TTLL5: variants seen among roughly 807,000 people sequenced by gnomAD.
TTLL5 encodes the protein tubulin polyglutamylase TTLL5.
A neutral mutation model predicts 168.4 loss-of-function variants in TTLL5; 132 were observed. The observed-to-expected ratio is 0.78, with a 90% CI of 0.68 to 0.91. The LOEUF (loss-of-function observed/expected upper bound fraction) is 0.91, where lower values mean the gene tolerates loss of function less well. TTLL5 is among the 40% of genes least tolerant of loss of function. TTLL5 has a pLI of 0.00. For synonymous variants in TTLL5, 546 were observed against 558.6 expected (o/e 0.98, Z 0.32); for missense variants, 1,545 against 1,581.5 (o/e 0.98, Z 0.39).
At chr14:75,721,626 G>A (rs1205929080) in intron 12 of TTLL5, among the ~76,000 whole-genome samples, 1 of 152,134 alleles carries the variant, frequency 6.6e-6, no homozygotes, top group African/African-American at 2.4e-5. Flanking sequence ...TTTTCAGCAA[G>A]TTACTCTAAT....
intron 30 of TTLL5, among the ~76,000 whole-genome samples, chr14:75,894,533 C>T (rs1011808909): frequency 1.4e-4 from 21 of 152,038 alleles, no homozygotes; most frequent in African/African-American, 4.6e-4. Context: ...TCAGCCTGGG[C>T]GACAGAGCAA....
chr14:75,916,659 A>G (rs568461383), intron 31 of TTLL5, among the ~76,000 whole-genome samples: 19 of 152,298 alleles, frequency 1.2e-4, no homozygotes, highest in African/African-American at 4.6e-4. Flanking sequence ...AAATTGAATT[A>G]CCATATGATC....
At chr14:75,764,860 C>A in intron 19 of TTLL5, 88 bp downstream of exon 19, 1 of 1,448,534 alleles carries the variant, frequency 6.9e-7, no homozygotes, top group South Asian at 1.3e-5. Context: ...TTTCATGAGT[C>A]AGAATCTTCC....
chr14:75,807,825 A>G (rs1893747832), intron 27 of TTLL5, among the ~76,000 whole-genome samples: 1 of 152,242 alleles, frequency 6.6e-6, no homozygotes, highest in African/African-American at 2.4e-5. Context: ...ACAGAGTTGT[A>G]GCCAAGCCTA....
At chr14:75,720,119 A>C (rs562708265) in intron 11 of TTLL5, among the ~76,000 whole-genome samples, 16 of 152,294 alleles carry the variant, frequency 1.1e-4, no homozygotes, top group Non-Finnish European at 1.8e-4. Flanking sequence ...TTTTTATATA[A>C]CAAATTGCCT....
intron 27 of TTLL5, among the ~76,000 whole-genome samples, chr14:75,814,077 AC>A (rs1894232897): frequency 6.6e-6 from 1 of 152,236 alleles, no homozygotes. Context: ...TTTTTGAGCC[AC>A]CTACATGATA....
At chr14:75,682,099 A>C (rs552645983) in intron 4 of TTLL5, among the ~76,000 whole-genome samples, 11 of 151,346 alleles carry the variant, frequency 7.3e-5, no homozygotes, top group Non-Finnish European at 1.5e-4. Flanking sequence ...CCGAGGCAGG[A>C]GAATCGCTTG....
intron 28 of TTLL5, among the ~76,000 whole-genome samples, chr14:75,849,099 A>G (rs1449210049): frequency 6.6e-6 from 1 of 152,218 alleles, no homozygotes; most frequent in African/African-American, 2.4e-5. Context: ...ACCTCAATGC[A>G]TTCTTCCCAA....
Position 75,863,807 on chromosome 14 carries a change from A to T in TTLL5, c.3467A>T (p.Glu1156Val). The T allele has an allele frequency of 6.2e-7, 1 of 1,613,410 alleles. No individual in the cohort carries two copies. The highest frequency in any genetic ancestry group is 1.1e-5 in the South Asian group (1 of 91,022). The change falls in exon 29 of 32, where the codon GAA becomes GTA. Residue 1156 changes from glutamate to valine, a missense_variant. Transcript: ENST00000298832. ...YQLQFALQQLEQQKLQSRQLL... is the reference protein window; with the variant it reads ...YQLQFALQQLVQQKLQSRQLL... ...CTTCAATTTGCCCTGCAGCAACTTG[A>T]ACAACAAAAACTTCAGTCCCGGCAG...
At chr14:75,890,528 T>C (rs995061580) in intron 30 of TTLL5, among the ~76,000 whole-genome samples, 41 of 152,098 alleles carry the variant, frequency 2.7e-4, no homozygotes, top group African/African-American at 9.4e-4. Context: ...TGAAAGATAA[T>C]ATTTTGAAAA....
chr14:75,699,944 A>G (rs1198402105), intron 7 of TTLL5, among the ~76,000 whole-genome samples: 1 of 152,174 alleles, frequency 6.6e-6, no homozygotes, highest in Non-Finnish European at 1.5e-5. Context: ...ATTACATTGT[A>G]TTTGTTAATT....
intron 12 of TTLL5, among the ~76,000 whole-genome samples, chr14:75,727,062 A>C (rs1424709037): frequency 6.6e-6 from 1 of 152,170 alleles, no homozygotes; most frequent in Non-Finnish European, 1.5e-5. Context: ...GAAAAGTATA[A>C]TTCTCATGGC....
intron 12 of TTLL5, among the ~76,000 whole-genome samples, chr14:75,728,000 A>G (rs1172946925): frequency 6.6e-6 from 1 of 152,180 alleles, no homozygotes; most frequent in Non-Finnish European, 1.5e-5. Context: ...ACTTAGATCT[A>G]ACTATTTCAT....
At chr14:75,717,090 T>A (rs2140195775) in intron 9 of TTLL5, among the ~76,000 whole-genome samples, 1 of 150,228 alleles carries the variant, frequency 6.7e-6, no homozygotes, top group African/African-American at 2.4e-5. Context: ...TTTTTGCTTA[T>A]TTTTTTTTTC....
chr14:75,840,622 C>T (rs1896174206), intron 28 of TTLL5, among the ~76,000 whole-genome samples: 1 of 152,126 alleles, frequency 6.6e-6, no homozygotes. Flanking sequence ...CGTTGGGGGC[C>T]ATCTCAAAGG....
At chr14:75,898,077 T>C (rs1053346961) in intron 30 of TTLL5, among the ~76,000 whole-genome samples, 1 of 152,254 alleles carries the variant, frequency 6.6e-6, no homozygotes, top group African/African-American at 2.4e-5. Context: ...CTCCAGTTTT[T>C]CTAACTTCAT....
At chr14:75,934,993 T>G (rs2034392343) in intron 31 of TTLL5, among the ~76,000 whole-genome samples, 2 of 152,186 alleles carry the variant, frequency 1.3e-5, no homozygotes, top group Admixed American at 1.3e-4. Flanking sequence ...TTCTGGAGCC[T>G]TTAAGAACTA....
chr14:75,724,585 A>C (rs1888069496), intron 12 of TTLL5, among the ~76,000 whole-genome samples: 1 of 152,190 alleles, frequency 6.6e-6, no homozygotes, highest in South Asian at 2.1e-4. Flanking sequence ...AAACCCTGAG[A>C]AATGAACTCT....
chr14:75,759,473 AT>A (rs1433135402), intron 18 of TTLL5, among the ~76,000 whole-genome samples: 2 of 152,128 alleles, frequency 1.3e-5, no homozygotes, highest in Non-Finnish European at 2.9e-5. Context: ...AATAACACCA[AT>A]CTTATACAGA....
Sources: allele counts gnomAD v4.1 joint callset (sites outside exome capture counted in the v4.1 genomes callset), GRCh38; gene constraint gnomAD v4.1.1; transcripts MANE v1.5; gene names NCBI Gene and HGNC (gene_info 2026-07-23, HGNC 2026-07-21).